Variants in MYO5B observed in about 807,000 individuals in gnomAD.
The protein encoded by MYO5B is myosin VB.
In MYO5B, 143 loss-of-function variants were observed where a neutral mutation model predicts 229.3. The observed-to-expected ratio is 0.62, with a 90% confidence interval of 0.54 to 0.72. The LOEUF is 0.72. Ranked by LOEUF, MYO5B falls within the 30% of genes least tolerant of loss-of-function variation. MYO5B has a pLI of 0.00. For synonymous variants in MYO5B, 918 were observed against 885.2 expected (o/e 1.04, Z -0.66); for missense variants, 2,321 against 2,331.0 (o/e 1.00, Z 0.09).
intron 4 of MYO5B, among the ~76,000 whole-genome samples, chr18:50,014,048 A>T (rs2026190536): frequency 6.6e-6 from 1 of 152,200 alleles, no homozygotes; most frequent in African/African-American, 2.4e-5. Context: ...AATTGTGGTC[A>T]ATTTCTCTAG....
At chr18:49,894,771 T>G (rs1024012785) in intron 22 of MYO5B, among the ~76,000 whole-genome samples, 170 bp downstream of exon 22, 5 of 152,222 alleles carry the variant, frequency 3.3e-5, no homozygotes, top group Non-Finnish European at 7.3e-5. Flanking sequence ...TGTGTGGGTT[T>G]CCCCAAAGCA....
intron 4 of MYO5B, among the ~76,000 whole-genome samples, chr18:50,013,746 G>A (rs1270417685): frequency 1.3e-5 from 2 of 152,186 alleles, no homozygotes; most frequent in African/African-American, 4.8e-5. Flanking sequence ...GATCACATGC[G>A]AAACCTCAGT....
chr18:50,101,930 C>T (rs1261775706), intron 1 of MYO5B, among the ~76,000 whole-genome samples: 1 of 152,154 alleles, frequency 6.6e-6, no homozygotes, highest in Non-Finnish European at 1.5e-5. Context: ...AAGACACACA[C>T]ACGTATGTTT....
At chr18:49,968,022 T>A (rs772352058) in intron 10 of MYO5B, among the ~76,000 whole-genome samples, 115 of 152,128 alleles carry the variant, frequency 7.6e-4, no homozygotes, top group Non-Finnish European at 1.5e-3. Flanking sequence ...AAACATCCAC[T>A]GTATGGCGAT....
At chr18:50,138,839 G>T (rs1255654516) in intron 1 of MYO5B, among the ~76,000 whole-genome samples, 1 of 152,174 alleles carries the variant, frequency 6.6e-6, no homozygotes, top group African/African-American at 2.4e-5. Flanking sequence ...CCAGAGCCCA[G>T]CCATCCTGCC....
intron 1 of MYO5B, among the ~76,000 whole-genome samples, chr18:50,143,000 C>T (rs949182): frequency 0.9 from 137,750 of 152,318 alleles, 62,755 homozygotes; most frequent in East Asian, 1. Flanking sequence ...TGAGCTGAAC[C>T]AAAACGCCAT....
At chr18:49,949,711 T>C (rs2025412657) in intron 14 of MYO5B, among the ~76,000 whole-genome samples, 1 of 152,230 alleles carries the variant, frequency 6.6e-6, no homozygotes, top group Non-Finnish European at 1.5e-5. Flanking sequence ...GGTAAAATTA[T>C]GAATTTACAA....
chr18:50,072,553 C>G (rs2030983019), intron 1 of MYO5B, among the ~76,000 whole-genome samples: 1 of 152,156 alleles, frequency 6.6e-6, no homozygotes. Context: ...TTTGTAGGAG[C>G]TATCTTACCT....
In MYO5B at chr18:49,863,180, C is replaced by A. The variant is rs146541714; in HGVS notation, c.3944+47G>T. 1,974 of 1,451,520 alleles carry A rather than the reference C, an allele frequency of 1.4e-3. 35 individuals carry two copies. In the East Asian group the frequency reaches 0.033, roughly 24 times the overall value. 89.9% of individuals were successfully genotyped at this position (1,451,520 alleles called of 1,614,324 possible). A position where few individuals can be genotyped will look rare whatever the true frequency, so the allele number is the denominator to read the frequency against. On this transcript the variant is annotated intron_variant, in intron 29 of 39. Coordinates refer to ENST00000285039, the MANE Select transcript of MYO5B (RefSeq NM_001080467.3). ...CCCAAACAGACTCGTTTGGGCAGGGCCCTTCTCCGCGGCCTCGTCCAGCAC... is the reference window on the plus strand; with the variant it reads ...CCCAAACAGACTCGTTTGGGCAGGGACCTTCTCCGCGGCCTCGTCCAGCAC...
At chr18:50,153,608 C>A (rs1249511525) in intron 1 of MYO5B, among the ~76,000 whole-genome samples, 3 of 152,158 alleles carry the variant, frequency 2.0e-5, no homozygotes, top group Non-Finnish European at 4.4e-5. Flanking sequence ...TGCCACCACG[C>A]CTGGCTAATT....
At chr18:49,855,281 T>C (rs369573357) in intron 30 of MYO5B, among the ~76,000 whole-genome samples, 23 of 152,356 alleles carry the variant, frequency 1.5e-4, no homozygotes, top group African/African-American at 5.0e-4. Flanking sequence ...GGTCTGTTCC[T>C]ACTTAAACAT....
intron 20 of MYO5B, among the ~76,000 whole-genome samples, chr18:49,904,339 A>G (rs536182127): frequency 7.0e-4 from 107 of 152,220 alleles, no homozygotes; most frequent in African/African-American, 2.5e-3. Context: ...TCCACCTCCC[A>G]CCATGAGTGG....
chr18:50,079,201 G>GT (rs1389947182), intron 1 of MYO5B, among the ~76,000 whole-genome samples: 1 of 152,192 alleles, frequency 6.6e-6, no homozygotes, highest in Non-Finnish European at 1.5e-5. Context: ...ACACTTATGT[G>GT]TTTTTCTGGA....
intron 39 of MYO5B, among the ~76,000 whole-genome samples, chr18:49,830,148 C>CACACACACAG (rs1283693710): frequency 1.1e-5 from 1 of 92,368 alleles, no homozygotes; most frequent in Non-Finnish European, 2.3e-5. Context: ...AAAGAATCCA[C>CACACACACAG]ACACACACAC....
At chr18:49,988,108 G>T (rs959388915) in intron 7 of MYO5B, among the ~76,000 whole-genome samples, 13 of 152,140 alleles carry the variant, frequency 8.5e-5, no homozygotes, top group Admixed American at 8.5e-4. Flanking sequence ...CAAAACTTAC[G>T]CCAAGCCAAG....
At chr18:50,124,706 G>C (rs1160700475) in intron 1 of MYO5B, among the ~76,000 whole-genome samples, 1 of 151,490 alleles carries the variant, frequency 6.6e-6, no homozygotes, top group Non-Finnish European at 1.5e-5. Flanking sequence ...TTCCCCCCTG[G>C]TGCCCTTCCT....
At chr18:49,896,478 G>A (rs1186344161) in intron 21 of MYO5B, among the ~76,000 whole-genome samples, 1 of 152,184 alleles carries the variant, frequency 6.6e-6, no homozygotes, top group East Asian at 1.9e-4. Context: ...CAGAGGAGTA[G>A]GGCACAGGGA....
At chr18:50,085,343 T>C (rs1176804648) in intron 1 of MYO5B, among the ~76,000 whole-genome samples, 2 of 151,972 alleles carry the variant, frequency 1.3e-5, no homozygotes, top group Non-Finnish European at 2.9e-5. Flanking sequence ...ATCAGAGAAA[T>C]GCAAATCAAA....
chr18:49,999,777 T>A (rs114786421), intron 5 of MYO5B, among the ~76,000 whole-genome samples: 1 of 152,234 alleles, frequency 6.6e-6, no homozygotes, highest in East Asian at 1.9e-4. Flanking sequence ...AAATGCAAAT[T>A]TGGGGGGCCC....
Sources: gnomAD v4.1 joint callset for allele counts (sites outside exome capture counted in the v4.1 genomes callset) on GRCh38, gnomAD v4.1.1 for gene constraint, MANE v1.5 for transcripts, NCBI Gene and HGNC (gene_info 2026-07-23, HGNC 2026-07-21) for gene names.